Variants in GADL1 observed in about 807,000 individuals in gnomAD.
GADL1 encodes the protein GAD like acidic amino acid decarboxylase 1.
Under a neutral mutation model 69.5 loss-of-function variants are expected in GADL1, and 71 were observed. That is an observed-to-expected ratio of 1.02 (90% CI 0.84 to 1.25). The LOEUF is 1.25. GADL1 is among the 50% of genes most tolerant of loss of function. GADL1 has a pLI of 0.00. For missense variants in GADL1, 737 were observed against 631.8 expected, an observed-to-expected ratio of 1.17 and a Z score of -1.79; for synonymous variants, 254 against 214.4, an observed-to-expected ratio of 1.18 and a Z score of -1.62.
chr3:30,885,807 A>T (rs1698695925), intron 1 of GADL1, among the ~76,000 whole-genome samples: 1 of 151,906 alleles, frequency 6.6e-6, no homozygotes, highest in African/African-American at 2.4e-5. Flanking sequence ...AGATCTCACC[A>T]TGCTGCCCAG....
At chr3:30,864,923 T>C (rs937136943) in intron 1 of GADL1, among the ~76,000 whole-genome samples, 6 of 151,976 alleles carry the variant, frequency 3.9e-5, no homozygotes, top group African/African-American at 1.2e-4. Context: ...TGGACTATTC[T>C]CAACACAGTA....
intron 14 of GADL1, among the ~76,000 whole-genome samples, chr3:30,763,373 G>A (rs1287674973): frequency 1.3e-5 from 2 of 151,192 alleles, no homozygotes; most frequent in East Asian, 2.0e-4. Flanking sequence ...TATAGTGGCC[G>A]GCGCCTGTAG....
rs114099667 is a variant in GADL1 at position 30,864,434 on chromosome 3, G to A, written c.38-2669C>T. 8.3e-4 allele frequency among the ~76,000 whole-genome samples: 126 copies of A among 151,720 alleles called. 1 individual carries two copies. The highest frequency in any genetic ancestry group is 1.5e-3 in the Non-Finnish European group (102 of 67,916). On this transcript the variant is annotated intron_variant, in intron 1 of 14. Coordinates refer to ENST00000282538, the MANE Select transcript of GADL1 (RefSeq NM_207359.3). ...AAATGTCAACACCCACTCGTAACCA[G>A]AATAGCAGTGAAATTTAAATTATCA... is the stretch of plus-strand genomic sequence containing the variant.
intron 6 of GADL1, among the ~76,000 whole-genome samples, chr3:30,845,710 A>T (rs1034209044): frequency 2.0e-5 from 3 of 152,216 alleles, no homozygotes; most frequent in African/African-American, 7.2e-5. Context: ...AATAATGTAC[A>T]AGAAAGTGTA....
At chr3:30,842,247 ATT>A (rs1250103424) in intron 8 of GADL1, among the ~76,000 whole-genome samples, 2 of 152,224 alleles carry the variant, frequency 1.3e-5, no homozygotes, top group Non-Finnish European at 2.9e-5. Flanking sequence ...TAAAAATTAT[ATT>A]TTAAACAAAA....
In GADL1 at chr3:30,873,599, TATTAA is replaced by T. The variant is rs1436347756; in HGVS notation, c.38-11839_38-11835del. 3.9e-5 allele frequency among the ~76,000 whole-genome samples: 6 copies of T among 152,170 alleles called. No individual in the cohort carries two copies. In the East Asian group the frequency reaches 1.2e-3, roughly 30 times the overall value. On this transcript the variant is annotated intron_variant, in intron 1 of 14. Transcript: ENST00000282538. ...AATAAGCGATTATCTTAGAAGTATGTATTAAATTGCAATGTGTTACAATTAATATA... is the reference window on the plus strand; with the variant it reads ...AATAAGCGATTATCTTAGAAGTATGTATTGCAATGTGTTACAATTAATATA...
chr3:30,753,162 G>T (rs549655425), intron 14 of GADL1, among the ~76,000 whole-genome samples: 1 of 152,038 alleles, frequency 6.6e-6, no homozygotes, highest in Non-Finnish European at 1.5e-5. Context: ...GTAACCTTGC[G>T]AAATATTAAC....
chr3:30,754,506 T>C (rs1485402396), intron 14 of GADL1, among the ~76,000 whole-genome samples: 1 of 152,124 alleles, frequency 6.6e-6, no homozygotes, highest in Non-Finnish European at 1.5e-5. Context: ...TCTGGGAGCA[T>C]CAAGAATATG....
rs572216210 is a variant in GADL1, at chr3:30,806,389, A to G, written c.1051-5301T>C. Among the ~76,000 whole-genome samples, 39 of 152,346 alleles carry G rather than the reference A, an allele frequency of 2.6e-4. No individual in the cohort carries two copies. In the Middle Eastern group the frequency reaches 0.01, roughly 40 times the overall value. On this transcript the variant is annotated intron_variant, in intron 11 of 14. Transcript: ENST00000282538. ...GTTAATATTTGTTGGCGTAATGTGC[A>G]AAATCAAATTTAGGTTGCAAATAAA...
intron 11 of GADL1, among the ~76,000 whole-genome samples, chr3:30,827,969 G>C (rs906656087): frequency 2.6e-5 from 4 of 151,926 alleles, no homozygotes; most frequent in Admixed American, 2.6e-4. Flanking sequence ...TAGCTGGTAG[G>C]CTGTCATTCT....
intron 1 of GADL1, among the ~76,000 whole-genome samples, chr3:30,872,631 G>A (rs967246409): frequency 1.3e-5 from 2 of 151,900 alleles, no homozygotes; most frequent in African/African-American, 4.8e-5. Context: ...GATACTGTCA[G>A]TTAAATACCC....
chr3:30,732,345 AT>A lies in GADL1; in HGVS notation c.1393-3931del, dbSNP rs57419117. 9.4e-4 allele frequency among the ~76,000 whole-genome samples: 143 copies of A among 152,296 alleles called. 1 individual carries two copies. In the East Asian group the frequency reaches 0.025, roughly 26 times the overall value. On this transcript the variant is annotated intron_variant, in intron 14 of 14. Transcript: ENST00000282538. ...TATTTTTCTGCTGTTTTTTCTTCAAATTGTAAATCAAATTCTTTTCTTGTGC... is the reference window on the plus strand; with the variant it reads ...TATTTTTCTGCTGTTTTTTCTTCAAATGTAAATCAAATTCTTTTCTTGTGC...
At chr3:30,822,874 G>A (rs1358473507) in intron 11 of GADL1, among the ~76,000 whole-genome samples, 1 of 151,900 alleles carries the variant, frequency 6.6e-6, no homozygotes, top group African/African-American at 2.4e-5. Flanking sequence ...CTTAGGGTAG[G>A]GAGCATGTCT....
intron 14 of GADL1, among the ~76,000 whole-genome samples, chr3:30,767,018 TCAAG>T (rs1172230888): frequency 1.3e-5 from 2 of 152,232 alleles, no homozygotes; most frequent in Non-Finnish European, 2.9e-5. Context: ...CTAATGTTTA[TCAAG>T]CATTTACTCT....
chr3:30,816,268 A>G (rs1045596600), intron 11 of GADL1, among the ~76,000 whole-genome samples: 2 of 152,164 alleles, frequency 1.3e-5, no homozygotes, highest in Non-Finnish European at 2.9e-5. Context: ...TTGAGCCTCA[A>G]CTGTTTCATG....
At chr3:30,775,279 G>C (rs73061072) in intron 14 of GADL1, among the ~76,000 whole-genome samples, 8,759 of 152,290 alleles carry the variant, frequency 0.058, 464 homozygotes, top group South Asian at 0.2. Flanking sequence ...ATTCTGAAAT[G>C]TGACAGCTCA....
intron 1 of GADL1, among the ~76,000 whole-genome samples, chr3:30,877,827 T>C (rs1375864723): frequency 6.6e-6 from 1 of 151,962 alleles, no homozygotes; most frequent in African/African-American, 2.4e-5. Context: ...TATTACCATA[T>C]AGATTTTAAT....
intron 14 of GADL1, among the ~76,000 whole-genome samples, chr3:30,755,827 T>C (rs1419386647): frequency 1.3e-5 from 2 of 151,778 alleles, no homozygotes; most frequent in Non-Finnish European, 2.9e-5. Flanking sequence ...AAAGGTACTT[T>C]TTTTCCTACC....
chr3:30,850,325 A>G (rs1698130386), intron 5 of GADL1, among the ~76,000 whole-genome samples: 1 of 152,120 alleles, frequency 6.6e-6, no homozygotes, highest in Admixed American at 6.6e-5. Context: ...TTCTTAGAAG[A>G]TAAATTTTGG....
Sources: gnomAD v4.1 joint callset for allele counts (sites outside exome capture counted in the v4.1 genomes callset) on GRCh38, gnomAD v4.1.1 for gene constraint, MANE v1.5 for transcripts, NCBI Gene and HGNC (gene_info 2026-07-23, HGNC 2026-07-21) for gene names.